The following ISM1 variants were observed in gnomAD, a reference collection of about 807,000 sequenced individuals.
The protein encoded by ISM1 is isthmin-1.
A neutral mutation model predicts 46.3 loss-of-function variants in ISM1; 25 were observed. The observed-to-expected ratio is 0.54, with a 90% CI of 0.39 to 0.75. The LOEUF (loss-of-function observed/expected upper bound fraction) is 0.75, where lower values mean the gene tolerates loss of function less well. ISM1 is among the 30% of genes least tolerant of loss of function. ISM1 has a pLI of 0.00. For synonymous variants in ISM1, 255 were observed against 256.7 expected (o/e 0.99, Z 0.06); for missense variants, 536 against 625.4 (o/e 0.86, Z 1.52).
At chr20:13,272,256 A>C (rs1250396175) in intron 2 of ISM1, among the ~76,000 whole-genome samples, 3 of 152,196 alleles carry the variant, frequency 2.0e-5, no homozygotes, top group African/African-American at 7.2e-5. Context: ...CACCCTCTGC[A>C]TGATACGGTT....
the ISM1 span, among the ~76,000 whole-genome samples, chr20:13,309,975 C>T: frequency 7.2e-5 from 11 of 152,088 alleles, no homozygotes; most frequent in African/African-American, 9.6e-5. Context: ...TCTGTGTTTA[C>T]GGATTGGAAG....
Position 13,298,855 on chromosome 20 carries a change from A to G in ISM1, c.878-87A>G. The stretch of plus-strand genomic sequence containing the variant: ...TAGTGTCCTCCTGCGGGCCCTCAGG[A>G]GCAGCCTGGTGTCACATGCTCCTTG... On this transcript the variant is annotated intron_variant, in intron 5 of 5. Coordinates refer to ENST00000262487, the MANE Select transcript of ISM1 (RefSeq NM_080826.2). The G allele has an allele frequency of 9.3e-6, 13 of 1,398,418 alleles. No individual in the cohort carries two copies. The South Asian group carries it at 1.8e-4, about 19-fold the overall frequency. 86.6% of individuals were successfully genotyped at this position (1,398,418 alleles called of 1,614,324 possible).
chr20:13,232,073 A>G (rs6109767), intron 1 of ISM1, among the ~76,000 whole-genome samples: 22,713 of 152,260 alleles, frequency 0.15, 1,756 homozygotes, highest in East Asian at 0.24. Flanking sequence ...CAAATAACAG[A>G]CATGCCTTGC....
rs781354743 is a variant in ISM1, at chr20:13,279,759, G to C, written c.504G>C (p.Leu168Phe). The change falls in exon 3 of 6, where the codon TTG becomes TTC. Residue 168 changes from leucine (L) to phenylalanine (F), a missense_variant. By Grantham distance (22) the Leu-to-Phe change is conservative. Around this residue, in one of 2 missense-constraint regions of ISM1, gnomAD observed 367 missense variants for 376.1 expected, o/e 0.98. Transcript: ENST00000262487. ...WRAWWQRSLS[L>F]ARANSGDQDY... Reference sequence around the variant, plus strand: ...CCTGGTGGCAGAGGTCCCTGTCCTTGGCCAGGGCAAACAGCGGGGACCAGG... The same window carrying C: ...CCTGGTGGCAGAGGTCCCTGTCCTTCGCCAGGGCAAACAGCGGGGACCAGG... 1 of 1,614,050 alleles carries C rather than the reference G, an allele frequency of 6.2e-7. No homozygotes were observed.
intron 5 of ISM1, among the ~76,000 whole-genome samples, chr20:13,294,455 T>C (rs759916694): frequency 2.6e-5 from 4 of 152,162 alleles, no homozygotes; most frequent in Non-Finnish European, 4.4e-5. Flanking sequence ...AGACAGAAAG[T>C]TTCTCAGGAC....
chr20:13,313,001 C>T, the ISM1 span, among the ~76,000 whole-genome samples: 2 of 152,166 alleles, frequency 1.3e-5, no homozygotes, highest in Admixed American at 6.5e-5. Flanking sequence ...ATTTGAGCCT[C>T]ATCTGCGCAT....
chr20:13,291,013 A>G (rs1243993581), intron 4 of ISM1, among the ~76,000 whole-genome samples: 1 of 152,196 alleles, frequency 6.6e-6, no homozygotes, highest in Non-Finnish European at 1.5e-5. Flanking sequence ...CCACACAGGG[A>G]CACAGATAGC....
At chr20:13,304,493 C>T (rs548399074), downstream of ISM1, among the ~76,000 whole-genome samples, 35 of 152,146 alleles carry the variant, frequency 2.3e-4, 1 homozygote, top group Non-Finnish European at 4.9e-4. Flanking sequence ...CTTTTGCTGT[C>T]CCAAGCATCC....
chr20:13,258,786 T>C (rs898392839), intron 1 of ISM1, among the ~76,000 whole-genome samples: 4 of 152,116 alleles, frequency 2.6e-5, no homozygotes, highest in African/African-American at 4.8e-5. Flanking sequence ...TGCCTTCTGG[T>C]GCATGGCCTT....
chr20:13,295,974 C>G (rs541610952), intron 5 of ISM1, among the ~76,000 whole-genome samples: 7 of 152,346 alleles, frequency 4.6e-5, no homozygotes, highest in African/African-American at 1.7e-4. Context: ...TCAGGAGCAA[C>G]CTGGTGTCAC....
the ISM1 span, among the ~76,000 whole-genome samples, chr20:13,326,626 T>C: frequency 1.3e-5 from 2 of 152,202 alleles, no homozygotes; most frequent in Admixed American, 1.3e-4. Flanking sequence ...TTGAGCATTT[T>C]TCATGTGTTT....
intron 3 of ISM1, among the ~76,000 whole-genome samples, chr20:13,282,693 A>G (rs1326149266): frequency 1.3e-5 from 2 of 152,172 alleles, no homozygotes; most frequent in African/African-American, 4.8e-5. Flanking sequence ...GGACATCGGG[A>G]TTGCTACTTT....
rs550972597 is a variant in ISM1, at chr20:13,268,628, T to C, written c.139-1876T>C. On this transcript the variant is annotated intron_variant, in intron 1 of 5. Coordinates refer to ENST00000262487, the MANE Select transcript of ISM1 (RefSeq NM_080826.2). ...CAGCCAGCTTTCCCCGGTCACTGCA[T>C]GTTTTAAAGAGGTGACAGACGAGGT... Among the ~76,000 whole-genome samples, 92 of 152,310 alleles carry C rather than the reference T, an allele frequency of 6.0e-4. 2 individuals are homozygous for C. In the South Asian group the frequency reaches 0.014, roughly 23 times the overall value.
intron 4 of ISM1, 86 bp downstream of exon 4, chr20:13,288,769 A>G: frequency 7.3e-7 from 1 of 1,373,116 alleles, no homozygotes; most frequent in South Asian, 1.3e-5. Flanking sequence ...TGTCTTTTTA[A>G]AAGATGCACT....
chr20:13,308,212 T>C, the ISM1 span, among the ~76,000 whole-genome samples: 2 of 152,188 alleles, frequency 1.3e-5, no homozygotes, highest in East Asian at 3.8e-4. Flanking sequence ...GAATCCATCA[T>C]CAATGAATGA....
At chr20:13,263,791 C>T (rs996910806) in intron 1 of ISM1, among the ~76,000 whole-genome samples, 1 of 152,160 alleles carries the variant, frequency 6.6e-6, no homozygotes, top group Admixed American at 6.5e-5. Context: ...ATGCAGATGT[C>T]CAGCCCCAAA....
intron 3 of ISM1, 80 bp downstream of exon 3, chr20:13,279,978 C>T: frequency 7.3e-7 from 1 of 1,368,304 alleles, no homozygotes; most frequent in Non-Finnish European, 1.0e-6. Context: ...CCAAGCAAAA[C>T]CCTGCTTAGA....
chr20:13,278,758 C>T (rs2040207350), intron 2 of ISM1, among the ~76,000 whole-genome samples: 1 of 152,170 alleles, frequency 6.6e-6, no homozygotes, highest in Non-Finnish European at 1.5e-5. Context: ...TGTCTCTGCT[C>T]CATGTGATGT....
intron 1 of ISM1, 141 bp downstream of exon 1, chr20:13,222,055 C>A: frequency 1.2e-6 from 1 of 850,960 alleles, no homozygotes; most frequent in Non-Finnish European, 1.6e-6. Context: ...TAGTTTTGCC[C>A]GGGCCACTTG....
Sources: allele counts gnomAD v4.1 joint callset (sites outside exome capture counted in the v4.1 genomes callset), GRCh38; gene constraint gnomAD v4.1.1; regional missense constraint gnomAD v4.1.1; transcripts MANE v1.5; gene names NCBI Gene and HGNC (gene_info 2026-07-23, HGNC 2026-07-21).